GNPTG: variants seen among roughly 807,000 people sequenced by gnomAD.
The protein encoded by GNPTG is N-acetylglucosamine-1-phosphate transferase subunit gamma.
GNPTG carries 46 observed loss-of-function variants against 43.8 expected under a neutral mutation model. That is an observed-to-expected ratio of 1.05 (90% confidence interval 0.83 to 1.34). The LOEUF (loss-of-function observed/expected upper bound fraction) is 1.34. Ranked by LOEUF, GNPTG falls within the 40% of genes most tolerant of loss-of-function variation. GNPTG has a pLI of 0.00. For synonymous variants in GNPTG, 250 were observed against 172.8 expected, an observed-to-expected ratio of 1.45 and a Z score of -3.50; for missense variants, 549 against 411.3, an observed-to-expected ratio of 1.33 and a Z score of -2.90.
rs760326711 is a variant in GNPTG, at chr16:1,362,982, C to T, written c.824-15C>T. ...GTGGGTCCAGGTGAGGACTGGCCAC[C>T]TGGTGTTTTGGCAGAAACTTCCAAC... On this transcript the variant is annotated splice_polypyrimidine_tract_variant and intron_variant, in intron 10 of 10. Transcript: ENST00000204679. The T allele has an allele frequency of 8.7e-6, 14 of 1,613,994 alleles. No individual in the cohort carries two copies. Among genetic ancestry groups the T allele is most frequent in the Admixed American group, 1.7e-5 (1 of 60,000 alleles).
In GNPTG at chr16:1,362,895, C is replaced by T. The variant is rs374442826; in HGVS notation, c.812C>T (p.Thr271Met). The T allele has an allele frequency of 6.2e-6, 10 of 1,613,974 alleles. No homozygotes were observed. Among genetic ancestry groups the T allele is most frequent in the Middle Eastern group, 3.3e-4 (2 of 6,084 alleles). Residue 271 changes from threonine to methionine, a missense_variant, in exon 10 of 11, where the codon ACG (threonine) becomes ATG (methionine). By Grantham distance (81) the Thr-to-Met change is moderately conservative. Coordinates refer to ENST00000204679, the MANE Select transcript of GNPTG (RefSeq NM_032520.5). ...GLLTQHGIPYTRPTETSNLEH... is the reference protein window; with the variant it reads ...GLLTQHGIPYMRPTETSNLEH... ...CTCACCCAGCACGGCATCCCCTACA[C>T]GAGGCCCACAGGTGAGTCACCTGTG...
chr16:1,363,081 G>A lies in GNPTG; in HGVS notation c.908G>A (p.Gly303Glu), dbSNP rs1463082175. The stretch of plus-strand genomic sequence containing the variant: ...CTGCGGGGTGACCCAGGACTGCGTG[G>A]GAGTTTGTGACCTTGTGGTGGGAGA... ...EQLRGDPGLRGSL is the reference protein window; with the variant it reads ...EQLRGDPGLRESL The change falls in exon 11 of 11, where the codon GGG becomes GAG. Residue 303 changes from glycine (G) to glutamate (E), a missense_variant. Gly to Glu is a moderately conservative substitution (Grantham distance 98). Transcript: ENST00000204679. 1 of 1,613,736 alleles carries A rather than the reference G, an allele frequency of 6.2e-7. No individual in the cohort carries two copies. The highest frequency in any genetic ancestry group is 8.5e-7 in the Non-Finnish European group (1 of 1,180,002).
At position 1,361,732 on chromosome 16, in the gene GNPTG, G is replaced by A; in HGVS notation, c.179-11G>A. On this transcript the variant is annotated splice_polypyrimidine_tract_variant and intron_variant, in intron 3 of 10. Coordinates refer to ENST00000204679, the MANE Select transcript of GNPTG (RefSeq NM_032520.5). ...CTTGGACCCTGGGGATCAGTGTGAG[G>A]TCTCTTCCAGGACCCGTGCATCTCT... 3 of 1,614,088 alleles carry A rather than the reference G, an allele frequency of 1.9e-6. No homozygotes were observed. Among genetic ancestry groups the A allele is most frequent in the Non-Finnish European group, 1.7e-6 (2 of 1,179,998 alleles).
At chr16:1,357,335 G>A (rs1236710925) in intron 3 of GNPTG, among the ~76,000 whole-genome samples, 5 of 152,158 alleles carry the variant, frequency 3.3e-5, no homozygotes, top group East Asian at 3.9e-4. Context: ...AGGCCAGGCC[G>A]GGCCAGCACC....
At chr16:1,354,610 C>CAAAAAAAAAAAAAAA (rs2034742326) in intron 3 of GNPTG, among the ~76,000 whole-genome samples, 1 of 83,810 alleles carries the variant, frequency 1.2e-5, no homozygotes, top group African/African-American at 4.3e-5. Context: ...AAAAAAAAAA[C>CAAAAAAAAAAAAAAA]CCATAAAAAT....
At chr16:1,354,598 A>AAAAAAAAAAAAAAC (rs2034741010) in intron 3 of GNPTG, among the ~76,000 whole-genome samples, 1 of 150,338 alleles carries the variant, frequency 6.7e-6, no homozygotes, top group Non-Finnish European at 1.5e-5. Context: ...AAAAAAAAAA[A>AAAAAAAAAAAAAAC]AAAAAAAAAA....
rs2034696270 is a variant in GNPTG at position 1,352,149 on chromosome 16, A to C, written c.100A>C (p.Asn34His). The change falls in exon 2 of 11, where the codon AAC becomes CAC. Residue 34 changes from asparagine (N) to histidine (H), a missense_variant. Asn to His is a moderately conservative substitution (Grantham distance 68). Transcript: ENST00000204679. ...GAAGATGAAGGTGGTGGAGGAGCCC[A>C]ACGCGTTTGGGTGAGCAGCCTCGCG... ...AAKMKVVEEPNAFGVNNPFLP... is the reference protein window; with the variant it reads ...AAKMKVVEEPHAFGVNNPFLP... 3 of 1,579,484 alleles carry C rather than the reference A, an allele frequency of 1.9e-6. No homozygotes were observed. Among genetic ancestry groups the C allele is most frequent in the South Asian group, 1.2e-5 (1 of 86,750 alleles).
intron 3 of GNPTG, among the ~76,000 whole-genome samples, chr16:1,354,260 C>T (rs1490695094): frequency 1.3e-5 from 2 of 151,976 alleles, no homozygotes; most frequent in African/African-American, 2.4e-5. Flanking sequence ...CTAATGGGAC[C>T]ACGTCTTTTT....
chr16:1,359,394 G>A (rs550389738), intron 3 of GNPTG, among the ~76,000 whole-genome samples: 18 of 152,102 alleles, frequency 1.2e-4, no homozygotes, highest in Non-Finnish European at 2.2e-4. Context: ...TCAGCCTCCC[G>A]AGTAGCTGGG....
chr16:1,359,659 CTGTCTT>C (rs565513923), intron 3 of GNPTG, among the ~76,000 whole-genome samples: 3 of 152,340 alleles, frequency 2.0e-5, no homozygotes, highest in South Asian at 2.1e-4. Flanking sequence ...TCTCTCAACT[CTGTCTT>C]TAAGATTTGT....
chr16:1,361,745 C>T lies in GNPTG; in HGVS notation c.181C>T (p.Pro61Ser), dbSNP rs1406080496. The T allele has an allele frequency of 6.2e-7, 1 of 1,614,168 alleles. No homozygotes were observed. Among genetic ancestry groups the T allele is most frequent in the South Asian group, 1.1e-5 (1 of 91,082 alleles). The change falls in exon 4 of 11, where the codon CCC (proline) becomes TCC (serine). Residue 61 changes from proline (P) to serine (S), a missense_variant and splice_region_variant. Physicochemically the swap from Pro to Ser is moderately conservative, Grantham distance 74 (BLOSUM62 -1). Transcript: ENST00000204679. ...AKRDPSPVSG[P>S]VHLFRLSGKC... ...GATCAGTGTGAGGTCTCTTCCAGGA[C>T]CCGTGCATCTCTTCCGACTCTCGGG...
chr16:1,355,762 T>A (rs1357734422), intron 3 of GNPTG, among the ~76,000 whole-genome samples: 1 of 71,574 alleles, frequency 1.4e-5, no homozygotes, highest in Non-Finnish European at 2.7e-5. Flanking sequence ...GTCCTGGATC[T>A]GGGGAGGGGG....
At chr16:1,360,905 T>A (rs1009340547) in intron 3 of GNPTG, 2 of 152,432 alleles carry the variant, frequency 1.3e-5, no homozygotes, top group Non-Finnish European at 2.9e-5. Context: ...TGTAACCAAC[T>A]CCTGAAGCTT....
chr16:1,362,692 G>C lies in GNPTG; in HGVS notation c.691G>C (p.Glu231Gln), dbSNP rs771844889. ...AGAAGAAAATGAACCCACCCAGCTGGAGGGAGGTCCTGACAGCTTGGGGTT... is the reference window on the plus strand; with the variant it reads ...AGAAGAAAATGAACCCACCCAGCTGCAGGGAGGTCCTGACAGCTTGGGGTT... ...TPEENEPTQLEGGPDSLGFET... is the reference protein window; with the variant it reads ...TPEENEPTQLQGGPDSLGFET... The change falls in exon 9 of 11, where the codon GAG becomes CAG. Residue 231 changes from glutamate to glutamine, a missense_variant. By Grantham distance (29) the Glu-to-Gln change is conservative (BLOSUM62 2). Coordinates refer to ENST00000204679, the MANE Select transcript of GNPTG (RefSeq NM_032520.5). The C allele has an allele frequency of 1.9e-6, 3 of 1,614,106 alleles. No individual in the cohort carries two copies. The highest frequency in any genetic ancestry group is 1.7e-6 in the Non-Finnish European group (2 of 1,180,038).
Position 1,362,383 on chromosome 16 carries a change from C to T in GNPTG, c.526+63C>T, listed in dbSNP as rs2034914067. 3 of 1,608,576 alleles carry T rather than the reference C, an allele frequency of 1.9e-6. No individual in the cohort carries two copies. The Admixed American group carries it at 5.0e-5, about 27-fold the overall frequency. On this transcript the variant is annotated intron_variant, in intron 7 of 10. Transcript: ENST00000204679. ...GCCGCGCACGCAGCCCTGCTGGAGGCCCTGTAGTGCTGGGGGCCAGGGTTG... is the reference window on the plus strand; with the variant it reads ...GCCGCGCACGCAGCCCTGCTGGAGGTCCTGTAGTGCTGGGGGCCAGGGTTG...
intron 3 of GNPTG, among the ~76,000 whole-genome samples, chr16:1,357,483 T>A (rs996287334): frequency 6.6e-6 from 1 of 150,494 alleles, no homozygotes; most frequent in Non-Finnish European, 1.5e-5. Flanking sequence ...GTATTTCGAC[T>A]TTATTATTAT....
chr16:1,361,912 C>A lies in GNPTG; in HGVS notation c.274C>A (p.His92Asn). ...CTGCCCGTTCCACAACGTGACCCAG[C>A]ACGAGCAGACCTTCCGCTGGAACGC... is the stretch of plus-strand genomic sequence containing the variant. ...EFCPFHNVTQ[H>N]EQTFRWNAYS... Residue 92 changes from histidine (H) to asparagine (N), a missense_variant, in exon 5 of 11, where the codon CAC (histidine) becomes AAC (asparagine). His to Asn is a moderately conservative substitution (Grantham distance 68). Transcript: ENST00000204679. The A allele has an allele frequency of 6.2e-7, 1 of 1,613,788 alleles. No homozygotes were observed. Among genetic ancestry groups the A allele is most frequent in the Non-Finnish European group, 8.5e-7 (1 of 1,180,048 alleles).
At position 1,363,273 on chromosome 16, in the gene GNPTG, A is replaced by G; in HGVS notation, c.*182A>G. The G allele has an allele frequency of 1.5e-6, 1 of 646,344 alleles. No homozygotes were observed. The highest frequency in any genetic ancestry group is 2.8e-6 in the Non-Finnish European group (1 of 361,304). The allele number at this position is 646,344 out of a possible 1,614,324, so 40.0% of individuals were successfully genotyped here. A position where few individuals can be genotyped will look rare whatever the true frequency, so the allele number is the denominator to read the frequency against. On this transcript the variant is annotated 3_prime_UTR_variant, in exon 11 of 11. Transcript: ENST00000204679. ...CTCCATGAATTCTGTAAACCATTGC[A>G]TAAATGCTATAGTGTAAAAAAATTT... is the stretch of plus-strand genomic sequence containing the variant.
chr16:1,357,395 G>A (rs1327375731), intron 3 of GNPTG, among the ~76,000 whole-genome samples: 1 of 152,222 alleles, frequency 6.6e-6, no homozygotes, highest in Non-Finnish European at 1.5e-5. Context: ...CGGGGGCCAG[G>A]CTGAGGGTGG....
Sources: allele counts gnomAD v4.1 joint callset (sites outside exome capture counted in the v4.1 genomes callset), GRCh38; gene constraint gnomAD v4.1.1; transcripts MANE v1.5; gene names NCBI Gene and HGNC (gene_info 2026-07-23, HGNC 2026-07-21).